The following ROR1 variants were observed in gnomAD, a reference collection of about 807,000 sequenced individuals.
ROR1 encodes the protein inactive tyrosine-protein kinase transmembrane receptor ROR1.
In ROR1, 19 loss-of-function variants were observed where a neutral mutation model predicts 78.8. The ratio of observed to expected loss-of-function variants is 0.24; its 90% CI spans 0.17 to 0.35. The LOEUF is 0.35. Ranked by LOEUF, ROR1 falls within the 10% of genes least tolerant of loss-of-function variation. The probability of loss-of-function intolerance (pLI) is 1.00; values close to 1 mark genes in which losing one functional copy is unlikely to be tolerated. For missense variants in ROR1, 917 were observed against 1,177.8 expected, an observed-to-expected ratio of 0.78 and a Z score of 3.24; for synonymous variants, 386 against 433.6, an observed-to-expected ratio of 0.89 and a Z score of 1.36.
At chr1:64,070,978 C>G (rs79775676) in intron 4 of ROR1, among the ~76,000 whole-genome samples, 6,574 of 152,210 alleles carry the variant, frequency 0.043, 474 homozygotes, top group African/African-American at 0.15. Context: ...CAGAGTGAGC[C>G]AGGCTTGCAG....
chr1:63,997,201 T>G (rs773348088), intron 1 of ROR1, among the ~76,000 whole-genome samples: 1 of 152,182 alleles, frequency 6.6e-6, no homozygotes, highest in African/African-American at 2.4e-5. Flanking sequence ...GCTGCACGTT[T>G]TTAGGGCTTG....
chr1:63,963,623 A>T (rs1231199019), intron 1 of ROR1, among the ~76,000 whole-genome samples: 2 of 152,082 alleles, frequency 1.3e-5, no homozygotes, highest in African/African-American at 2.4e-5. Context: ...GGAAGAAAAA[A>T]AAGAATTCTG....
At chr1:63,829,645 A>ATTCAATCTT (rs1644974442) in intron 1 of ROR1, among the ~76,000 whole-genome samples, 1 of 152,188 alleles carries the variant, frequency 6.6e-6, no homozygotes, top group Non-Finnish European at 1.5e-5. Context: ...ACTGAAAGTA[A>ATTCAATCTT]TTCAATCTTT....
chr1:64,021,525 C>T (rs1646565299), intron 2 of ROR1, among the ~76,000 whole-genome samples: 1 of 152,188 alleles, frequency 6.6e-6, no homozygotes, highest in Non-Finnish European at 1.5e-5. Flanking sequence ...GCCATAAAAA[C>T]TCTGCAAGGT....
intron 4 of ROR1, among the ~76,000 whole-genome samples, chr1:64,075,439 T>C (rs1647041367): frequency 6.6e-6 from 1 of 152,168 alleles, no homozygotes. Flanking sequence ...TTCTAGAAGC[T>C]TCTTCATAGG....
rs533895871 is a variant in ROR1 at position 63,993,109 on chromosome 1, C to T, written c.92-16196C>T. On this transcript the variant is annotated intron_variant, in intron 1 of 8. Transcript: ENST00000371079. Reference sequence around the variant, plus strand: ...ACAGTTCCCCAAATTAGTATGGCTCCCTGGGGCAGAAAAATCTTTTGTCTA... The same window carrying T: ...ACAGTTCCCCAAATTAGTATGGCTCTCTGGGGCAGAAAAATCTTTTGTCTA... 2.0e-5 allele frequency among the ~76,000 whole-genome samples: 3 copies of T among 152,242 alleles called. No individual in the cohort carries two copies. The East Asian group carries it at 5.8e-4, about 29-fold the overall frequency.
intron 2 of ROR1, among the ~76,000 whole-genome samples, chr1:64,032,717 G>T (rs1305367509): frequency 6.6e-6 from 1 of 152,166 alleles, no homozygotes; most frequent in African/African-American, 2.4e-5. Context: ...TCAGGGAAGT[G>T]TATGTTTGTT....
At chr1:64,062,528 G>T (rs1646925467) in intron 4 of ROR1, among the ~76,000 whole-genome samples, 1 of 152,084 alleles carries the variant, frequency 6.6e-6, no homozygotes, top group Non-Finnish European at 1.5e-5. Flanking sequence ...AGCCAGGATG[G>T]TCTCGAACTC....
Position 63,856,459 on chromosome 1 carries a change from G to A in ROR1, c.91+81951G>A, listed in dbSNP as rs778183076. Among the ~76,000 whole-genome samples, 4 of 152,158 alleles carry A rather than the reference G, an allele frequency of 2.6e-5. No homozygotes were observed. The South Asian group carries it at 6.2e-4, about 24-fold the overall frequency. On this transcript the variant is annotated intron_variant, in intron 1 of 8. Coordinates refer to ENST00000371079, the MANE Select transcript of ROR1 (RefSeq NM_005012.4). ...TGCTGGGTAGTTGCCACACATGTAT[G>A]CACTGATCAGCACTCTGCTGAATAC... is the stretch of plus-strand genomic sequence containing the variant.
intron 1 of ROR1, among the ~76,000 whole-genome samples, chr1:63,917,795 A>G (rs1645620581): frequency 6.6e-6 from 1 of 152,176 alleles, no homozygotes; most frequent in African/African-American, 2.4e-5. Context: ...AGGAGTTGCC[A>G]CCTGCCCCTG....
intron 7 of ROR1, among the ~76,000 whole-genome samples, chr1:64,145,385 C>T (rs1569851067): frequency 2.0e-5 from 3 of 152,100 alleles, no homozygotes; most frequent in Admixed American, 1.3e-4. Flanking sequence ...ATTTGAGAGA[C>T]CCTTATTCTA....
At chr1:64,157,664 T>C (rs1569865436) in intron 7 of ROR1, among the ~76,000 whole-genome samples, 1 of 152,360 alleles carries the variant, frequency 6.6e-6, no homozygotes, top group East Asian at 1.9e-4. Flanking sequence ...TAACTCATCA[T>C]TTAAAGGACC....
At chr1:63,883,163 G>A (rs1280560147) in intron 1 of ROR1, among the ~76,000 whole-genome samples, 2 of 152,036 alleles carry the variant, frequency 1.3e-5, no homozygotes, top group African/African-American at 4.8e-5. Context: ...TTGTAGAAGG[G>A]ATTTATGTAT....
chr1:64,146,755 G>C (rs1169782958), intron 7 of ROR1, among the ~76,000 whole-genome samples: 1 of 152,174 alleles, frequency 6.6e-6, no homozygotes, highest in African/African-American at 2.4e-5. Context: ...ATGCTAGGAG[G>C]GATGAAAGAA....
intron 4 of ROR1, among the ~76,000 whole-genome samples, chr1:64,107,466 T>C (rs1263355483): frequency 6.6e-6 from 1 of 152,214 alleles, no homozygotes. Context: ...TCATCATAAA[T>C]TCCTTTTTCA....
In ROR1 at chr1:63,904,005, G is replaced by C. The variant is rs1010150546; in HGVS notation, c.92-105300G>C. 4.6e-5 allele frequency among the ~76,000 whole-genome samples: 7 copies of C among 152,212 alleles called. No individual in the cohort carries two copies. The South Asian group carries it at 1.2e-3, about 27-fold the overall frequency. On this transcript the variant is annotated intron_variant, in intron 1 of 8. Coordinates refer to ENST00000371079, the MANE Select transcript of ROR1 (RefSeq NM_005012.4). Reference sequence around the variant, plus strand: ...CATTTGAGCAGAGTCTTGAGAATGGGGGATATGGCAGGAAAGGGAAGGATT... The same window carrying C: ...CATTTGAGCAGAGTCTTGAGAATGGCGGATATGGCAGGAAAGGGAAGGATT...
chr1:64,147,507 G>T (rs974990257), intron 7 of ROR1, among the ~76,000 whole-genome samples: 1 of 152,168 alleles, frequency 6.6e-6, no homozygotes, highest in African/African-American at 2.4e-5. Context: ...TAGCTCCCAG[G>T]TGGGATTCCT....
At position 64,034,333 on chromosome 1, in the gene ROR1, A is replaced by C. The variant is rs370783276; in HGVS notation, c.164-15358A>C. Among the ~76,000 whole-genome samples, 24 of 152,224 alleles carry C rather than the reference A, an allele frequency of 1.6e-4. 1 individual carries two copies. Among genetic ancestry groups the C allele is most frequent in the African/African-American group, 4.6e-4 (19 of 41,538 alleles). On this transcript the variant is annotated intron_variant, in intron 2 of 8. Transcript: ENST00000371079. ...TTGAAAATTTTTTTAGCCACAGTAC[A>C]TTAGCTGCTTTTGTTTGCTTTTCCA...
chr1:63,953,042 A>G (rs1471442573), intron 1 of ROR1, among the ~76,000 whole-genome samples: 1 of 152,166 alleles, frequency 6.6e-6, no homozygotes, highest in Non-Finnish European at 1.5e-5. Context: ...GAGAATGAAA[A>G]TTACATAATG....
Sources: gnomAD v4.1 joint callset for allele counts (sites outside exome capture counted in the v4.1 genomes callset) on GRCh38, gnomAD v4.1.1 for gene constraint, MANE v1.5 for transcripts, NCBI Gene and HGNC (gene_info 2026-07-23, HGNC 2026-07-21) for gene names.